Variants in FAF1 observed in about 807,000 individuals in gnomAD.
FAF1 encodes the protein Fas associated factor 1, also known as FAS-associated factor 1.
In FAF1, 25 loss-of-function variants were observed where a neutral mutation model predicts 92.5. The observed-to-expected ratio is 0.27, with a 90% CI of 0.20 to 0.38. FAF1 has a LOEUF of 0.38. Ranked by LOEUF, FAF1 falls within the 10% of genes least tolerant of loss-of-function variation. FAF1 has a pLI of 1.00. For missense variants in FAF1, 636 were observed against 793.3 expected, an observed-to-expected ratio of 0.80 and a Z score of 2.38; for synonymous variants, 234 against 273.2, an observed-to-expected ratio of 0.86 and a Z score of 1.42.
intron 7 of FAF1, among the ~76,000 whole-genome samples, chr1:50,703,521 A>T (rs1166211242): frequency 6.6e-6 from 1 of 152,328 alleles, no homozygotes; most frequent in African/African-American, 2.4e-5. Flanking sequence ...AGCAAGTGAC[A>T]TAAGTAGCAA....
chr1:50,919,888 T>C (rs1644949617), intron 1 of FAF1, among the ~76,000 whole-genome samples: 2 of 152,156 alleles, frequency 1.3e-5, no homozygotes, highest in African/African-American at 4.8e-5. Context: ...AAAAAAGAAA[T>C]GTAAGAAGTA....
chr1:50,886,841 G>A (rs1051944540), intron 1 of FAF1, among the ~76,000 whole-genome samples: 6 of 152,110 alleles, frequency 3.9e-5, no homozygotes, highest in African/African-American at 1.2e-4. Context: ...ATAAACATAC[G>A]TGTGCATGTG....
chr1:50,521,955 G>A (rs1647520541), intron 15 of FAF1, among the ~76,000 whole-genome samples: 2 of 152,174 alleles, frequency 1.3e-5, no homozygotes, highest in Non-Finnish European at 2.9e-5. Flanking sequence ...TTTCATATAT[G>A]ACAATTATTA....
chr1:50,753,255 A>G (rs1485423694), intron 4 of FAF1, among the ~76,000 whole-genome samples: 30 of 152,220 alleles, frequency 2.0e-4, no homozygotes, highest in Admixed American at 2.0e-3. Context: ...CTAGAATTTT[A>G]CATAATGGAA....
chr1:50,553,389 T>C (rs1649404705), intron 13 of FAF1, among the ~76,000 whole-genome samples: 1 of 152,174 alleles, frequency 6.6e-6, no homozygotes, highest in Admixed American at 6.5e-5. Flanking sequence ...GGAGTAGAGA[T>C]GATAAGGACT....
At chr1:50,760,474 T>C (rs997182172) in intron 4 of FAF1, among the ~76,000 whole-genome samples, 5 of 151,934 alleles carry the variant, frequency 3.3e-5, no homozygotes, top group Non-Finnish European at 5.9e-5. Flanking sequence ...GAACAGAAAT[T>C]ATAACAAACT....
chr1:50,953,636 G>C (rs1645238829), intron 1 of FAF1, among the ~76,000 whole-genome samples: 1 of 151,910 alleles, frequency 6.6e-6, no homozygotes, highest in African/African-American at 2.4e-5. Flanking sequence ...CTACTTGGGA[G>C]GCTGAGGGAG....
At chr1:50,796,217 A>G (rs1037469760) in intron 3 of FAF1, among the ~76,000 whole-genome samples, 9 of 148,874 alleles carry the variant, frequency 6.0e-5, no homozygotes, top group African/African-American at 2.2e-4. Context: ...ACACAAACAC[A>G]CACACACACA....
At chr1:50,636,995 C>T (rs1454692426) in intron 8 of FAF1, among the ~76,000 whole-genome samples, 2 of 152,090 alleles carry the variant, frequency 1.3e-5, no homozygotes, top group Admixed American at 1.3e-4. Context: ...AACCAATTAA[C>T]AGCACATACA....
chr1:50,515,278 G>C (rs1647202680), intron 15 of FAF1, among the ~76,000 whole-genome samples: 1 of 152,156 alleles, frequency 6.6e-6, no homozygotes, highest in African/African-American at 2.4e-5. Flanking sequence ...TGGGGAAACT[G>C]AGACTTGAAT....
intron 1 of FAF1, among the ~76,000 whole-genome samples, chr1:50,944,559 C>A (rs1645159230): frequency 6.6e-6 from 1 of 152,160 alleles, no homozygotes; most frequent in Non-Finnish European, 1.5e-5. Context: ...CTGGAAATGT[C>A]AGGCGCAAGA....
At chr1:50,621,701 AG>A (rs1653217986) in intron 8 of FAF1, among the ~76,000 whole-genome samples, 1 of 151,812 alleles carries the variant, frequency 6.6e-6, no homozygotes, top group Admixed American at 6.6e-5. Context: ...CACCTGGCCC[AG>A]CCCCGATCTT....
intron 18 of FAF1, among the ~76,000 whole-genome samples, chr1:50,444,464 C>A (rs1646205831): frequency 6.6e-6 from 1 of 152,176 alleles, no homozygotes; most frequent in Admixed American, 6.5e-5. Flanking sequence ...CAGATGTGTT[C>A]TGTGCAGCTC....
intron 4 of FAF1, among the ~76,000 whole-genome samples, chr1:50,750,224 G>A (rs1659799707): frequency 6.6e-6 from 1 of 152,144 alleles, no homozygotes; most frequent in Admixed American, 6.5e-5. Flanking sequence ...AAATTGTGAA[G>A]ACATGCAGAT....
intron 8 of FAF1, among the ~76,000 whole-genome samples, chr1:50,654,827 A>T (rs1655030325): frequency 6.6e-6 from 1 of 152,202 alleles, no homozygotes; most frequent in Non-Finnish European, 1.5e-5. Flanking sequence ...GTCAAAGTCA[A>T]ATCCAGCAGC....
chr1:50,757,532 C>T (rs1170825686), intron 4 of FAF1, among the ~76,000 whole-genome samples: 2 of 152,124 alleles, frequency 1.3e-5, no homozygotes, highest in Non-Finnish European at 2.9e-5. Flanking sequence ...TATTCTTTGT[C>T]CAGAGTCTAG....
intron 1 of FAF1, among the ~76,000 whole-genome samples, chr1:50,901,224 T>C (rs1644793912): frequency 4.6e-5 from 7 of 152,204 alleles, no homozygotes; most frequent in Admixed American, 4.6e-4. Flanking sequence ...CTAAGATTTA[T>C]TGTTCTCAGA....
chr1:50,691,306 G>A (rs1377804919), intron 7 of FAF1, among the ~76,000 whole-genome samples: 8 of 151,414 alleles, frequency 5.3e-5, no homozygotes, highest in South Asian at 2.1e-4. Context: ...GCAGTGGCAC[G>A]ATCTCAGCTC....
At chr1:50,564,942 T>C (rs985744117) in intron 13 of FAF1, among the ~76,000 whole-genome samples, 2 of 152,084 alleles carry the variant, frequency 1.3e-5, no homozygotes, top group African/African-American at 4.8e-5. Flanking sequence ...AAAGTAGCTA[T>C]GTAATTTTAT....
Sources: gnomAD v4.1 joint callset for allele counts (sites outside exome capture counted in the v4.1 genomes callset) on GRCh38, gnomAD v4.1.1 for gene constraint, MANE v1.5 for transcripts, NCBI Gene and HGNC (gene_info 2026-07-23, HGNC 2026-07-21) for gene names.